Variants in ARB2A observed in about 807,000 individuals in gnomAD.
ARB2A encodes the protein ARB2 cotranscriptional regulator A, also known as cotranscriptional regulator ARB2A.
At chr5:93,656,079 G>C in the ARB2A span, among the ~76,000 whole-genome samples, 1 of 152,166 alleles carries the variant, frequency 6.6e-6, no homozygotes, top group African/African-American at 2.4e-5. Context: ...CTCACACAGA[G>C]AGGCATGCAA....
chr5:93,929,069 T>C, the ARB2A span, among the ~76,000 whole-genome samples: 1 of 152,118 alleles, frequency 6.6e-6, no homozygotes, highest in East Asian at 1.9e-4. Flanking sequence ...TTAATTGTAA[T>C]GTATTCCTAT....
At chr5:93,952,058 C>T in the ARB2A span, among the ~76,000 whole-genome samples, 4 of 152,032 alleles carry the variant, frequency 2.6e-5, no homozygotes, top group African/African-American at 9.7e-5. Flanking sequence ...ACTAAGAGCC[C>T]TGGATATAGG....
chr5:94,046,719 CT>C, the ARB2A span, among the ~76,000 whole-genome samples: 15 of 151,554 alleles, frequency 9.9e-5, no homozygotes, highest in Non-Finnish European at 8.8e-5. Context: ...GATAAATTCA[CT>C]TTTTTTTTGT....
the ARB2A span, among the ~76,000 whole-genome samples, chr5:93,927,774 C>A: frequency 1.3e-5 from 2 of 151,676 alleles, no homozygotes; most frequent in South Asian, 2.1e-4. Context: ...TAATTTGATA[C>A]CCTAGTATTA....
chr5:94,049,357 G>A, the ARB2A span, among the ~76,000 whole-genome samples: 1 of 152,054 alleles, frequency 6.6e-6, no homozygotes, highest in Non-Finnish European at 1.5e-5. Flanking sequence ...ATAAACACCT[G>A]AAAGAAAACT....
the ARB2A span, among the ~76,000 whole-genome samples, chr5:94,071,894 T>A: frequency 6.6e-6 from 1 of 152,144 alleles, no homozygotes; most frequent in Non-Finnish European, 1.5e-5. Context: ...AAACTTATGT[T>A]CACATAAAAA....
At chr5:93,849,346 A>G in the ARB2A span, among the ~76,000 whole-genome samples, 1 of 152,190 alleles carries the variant, frequency 6.6e-6, no homozygotes, top group African/African-American at 2.4e-5. Context: ...GTAAAAAGAA[A>G]AATTTTCTAC....
chr5:93,980,471 T>TCCTGAGGAC, the ARB2A span, among the ~76,000 whole-genome samples: 1 of 152,190 alleles, frequency 6.6e-6, no homozygotes, highest in Non-Finnish European at 1.5e-5. Flanking sequence ...CTCAATGTAG[T>TCCTGAGGAC]TCCTGAATCT....
chr5:93,891,378 A>G, the ARB2A span, among the ~76,000 whole-genome samples: 2 of 152,200 alleles, frequency 1.3e-5, no homozygotes, highest in Admixed American at 1.3e-4. Flanking sequence ...TATTATTTCA[A>G]TTATGTGCAC....
chr5:93,650,905 T>C, the ARB2A span, among the ~76,000 whole-genome samples: 7 of 151,810 alleles, frequency 4.6e-5, no homozygotes, highest in African/African-American at 1.5e-4. Flanking sequence ...GGCAGGAGGA[T>C]TGCTTGAACC....
chr5:94,037,125 G>C, the ARB2A span, among the ~76,000 whole-genome samples: 7 of 152,114 alleles, frequency 4.6e-5, no homozygotes, highest in Non-Finnish European at 1.0e-4. Context: ...ATTCTGTTCA[G>C]TTGGTCTGTG....
the ARB2A span, among the ~76,000 whole-genome samples, chr5:94,011,788 G>C: frequency 1.3e-5 from 2 of 151,042 alleles, no homozygotes; most frequent in African/African-American, 2.4e-5. Flanking sequence ...AAAGAGACAG[G>C]ATGTAGATAC....
chr5:94,046,719 C>CT, the ARB2A span, among the ~76,000 whole-genome samples: 6 of 151,556 alleles, frequency 4.0e-5, no homozygotes, highest in Non-Finnish European at 5.9e-5. Context: ...GATAAATTCA[C>CT]TTTTTTTTTG....
chr5:93,650,915 C>T, the ARB2A span, among the ~76,000 whole-genome samples: 1 of 151,992 alleles, frequency 6.6e-6, no homozygotes, highest in Admixed American at 6.5e-5. Flanking sequence ...TTGCTTGAAC[C>T]CAGGAGATCA....
chr5:93,917,962 T>G, the ARB2A span, among the ~76,000 whole-genome samples: 2,322 of 152,290 alleles, frequency 0.015, 77 homozygotes, highest in Admixed American at 0.058. Context: ...AAAATGTGGT[T>G]GCTTTTCAAG....
the ARB2A span, among the ~76,000 whole-genome samples, chr5:93,918,282 G>T: frequency 6.6e-6 from 1 of 152,154 alleles, no homozygotes; most frequent in Admixed American, 6.5e-5. Flanking sequence ...AAAGGAAGTA[G>T]TGGGGAGAAA....
At chr5:93,788,024 G>A in the ARB2A span, among the ~76,000 whole-genome samples, 1 of 152,244 alleles carries the variant, frequency 6.6e-6, no homozygotes, top group Admixed American at 6.5e-5. Flanking sequence ...CACTCATAGT[G>A]TTTTCACTTG....
At chr5:93,621,461 G>C in the ARB2A span, among the ~76,000 whole-genome samples, 1 of 152,226 alleles carries the variant, frequency 6.6e-6, no homozygotes, top group Non-Finnish European at 1.5e-5. Context: ...GACGCGGCCC[G>C]GATCTGTCCC....
At chr5:93,836,720 A>G in the ARB2A span, among the ~76,000 whole-genome samples, 1 of 152,216 alleles carries the variant, frequency 6.6e-6, no homozygotes, top group African/African-American at 2.4e-5. Context: ...TACTGGATGC[A>G]TAAAAGTAAC....
Sources: allele counts gnomAD v4.1 joint callset (sites outside exome capture counted in the v4.1 genomes callset), GRCh38; gene constraint gnomAD v4.1.1; transcripts MANE v1.5; gene names NCBI Gene and HGNC (gene_info 2026-07-23, HGNC 2026-07-21).